TRAF3IP1: variants seen among roughly 807,000 people sequenced by gnomAD.
The protein encoded by TRAF3IP1 is intraflagellar transport 54, also known as TRAF3-interacting protein 1.
In TRAF3IP1, 53 loss-of-function variants were observed where a neutral mutation model predicts 89.9. The ratio of observed to expected loss-of-function variants is 0.59; its 90% CI spans 0.47 to 0.74. TRAF3IP1 has a LOEUF of 0.74. TRAF3IP1 is among the 30% of genes least tolerant of loss of function. The pLI is 0.00. For synonymous variants in TRAF3IP1, 311 were observed against 322.1 expected (o/e 0.97, Z 0.37); for missense variants, 806 against 866.1 (o/e 0.93, Z 0.87).
intron 14 of TRAF3IP1, among the ~76,000 whole-genome samples, chr2:238,354,671 C>T (rs1002588952): frequency 6.6e-6 from 1 of 151,816 alleles, no homozygotes; most frequent in African/African-American, 2.4e-5. Flanking sequence ...TTATTTTTGA[C>T]ATGGAGTCTC....
chr2:238,354,731 AC>A (rs1699330920), intron 14 of TRAF3IP1, among the ~76,000 whole-genome samples: 1 of 151,996 alleles, frequency 6.6e-6, no homozygotes. Flanking sequence ...GCTCACTGCA[AC>A]CTCTGCCTCC....
In TRAF3IP1 at chr2:238,373,273, A is replaced by G. The variant is rs1233114834; in HGVS notation, c.1689+17193A>G. Among the ~76,000 whole-genome samples the G allele has an allele frequency of 1.3e-5, 2 of 152,184 alleles. 1 individual carries two copies. The highest frequency in any genetic ancestry group is 2.9e-5 in the Non-Finnish European group (2 of 68,034). ...GGGTTTTTATGGTGTTAGGTCTAAC[A>G]TTTAAGTCTTTAATCCATCTTGAAT... On this transcript the variant is annotated intron_variant, in intron 15 of 16. Coordinates refer to ENST00000373327, the MANE Select transcript of TRAF3IP1 (RefSeq NM_015650.4).
chr2:238,377,238 T>TC (rs912833260), intron 15 of TRAF3IP1, among the ~76,000 whole-genome samples: 4 of 139,060 alleles, frequency 2.9e-5, no homozygotes, highest in Admixed American at 7.1e-5. Flanking sequence ...TTCTTTTTTT[T>TC]TTTTTTTTTT....
intron 13 of TRAF3IP1, 92 bp from the exon 14 acceptor site, chr2:238,353,081 T>TTTTGTTG (rs1377962240): frequency 1.1e-5 from 18 of 1,573,050 alleles, no homozygotes; most frequent in Admixed American, 1.8e-5. Context: ...CCTTCGTTAA[T>TTTTGTTG]TTTGTTGTTC....
chr2:238,353,492 C>G (rs1239917971), intron 14 of TRAF3IP1, among the ~76,000 whole-genome samples: 1 of 152,148 alleles, frequency 6.6e-6, no homozygotes. Context: ...CTCTTCCGTA[C>G]GATTAAATTG....
intron 15 of TRAF3IP1, among the ~76,000 whole-genome samples, chr2:238,394,135 G>A (rs1366200762): frequency 4.6e-5 from 7 of 152,258 alleles, no homozygotes. Flanking sequence ...GGCAGAGGTT[G>A]CAATGAGCCA....
At chr2:238,357,357 C>T (rs752182647) in intron 15 of TRAF3IP1, among the ~76,000 whole-genome samples, 1 of 152,048 alleles carries the variant, frequency 6.6e-6, no homozygotes, top group Admixed American at 6.5e-5. Context: ...CCTAATAACT[C>T]AACAATTTAA....
intron 15 of TRAF3IP1, among the ~76,000 whole-genome samples, chr2:238,360,460 C>G (rs1699609544): frequency 6.6e-6 from 1 of 152,052 alleles, no homozygotes; most frequent in Admixed American, 6.6e-5. Flanking sequence ...GACCCTGTCT[C>G]TACAAAAAAA....
At position 238,337,786 on chromosome 2, in the gene TRAF3IP1, G is replaced by T. The variant is rs116811804; in HGVS notation, c.1064-576G>T. 4.0e-3 allele frequency among the ~76,000 whole-genome samples: 611 copies of T among 152,310 alleles called. 3 individuals are homozygous for T. Among genetic ancestry groups the T allele is most frequent in the African/African-American group, 0.014 (593 of 41,552 alleles). On this transcript the variant is annotated intron_variant, in intron 7 of 16. Coordinates refer to ENST00000373327, the MANE Select transcript of TRAF3IP1 (RefSeq NM_015650.4). ...ACATAGACGGTTCTGGGAGACACTGGTTGGTGGAATGGGTGGCAGTGTTAG... is the reference window on the plus strand; with the variant it reads ...ACATAGACGGTTCTGGGAGACACTGTTTGGTGGAATGGGTGGCAGTGTTAG...
At chr2:238,346,332 T>C (rs1280259817) in intron 9 of TRAF3IP1, among the ~76,000 whole-genome samples, 2 of 152,142 alleles carry the variant, frequency 1.3e-5, no homozygotes, top group African/African-American at 4.8e-5. Context: ...TCCAGCCCCC[T>C]GCTAACCACT....
Position 238,365,389 on chromosome 2 carries a change from C to T in TRAF3IP1, c.1689+9309C>T, listed in dbSNP as rs1384816350. On this transcript the variant is annotated intron_variant, in intron 15 of 16. Coordinates refer to ENST00000373327, the MANE Select transcript of TRAF3IP1 (RefSeq NM_015650.4). ...TAAAGAAATAAAAATGGGCCAGGCG[C>T]GGTGGCCAACGTTTGTAATCCTAGC... Among the ~76,000 whole-genome samples, 6 of 152,086 alleles carry T rather than the reference C, an allele frequency of 3.9e-5. No individual in the cohort carries two copies. In the East Asian group the frequency reaches 7.7e-4, roughly 20 times the overall value.
At chr2:238,394,820 T>C (rs138866548) in intron 15 of TRAF3IP1, among the ~76,000 whole-genome samples, 1 of 152,384 alleles carries the variant, frequency 6.6e-6, no homozygotes, top group Non-Finnish European at 1.5e-5. Flanking sequence ...CATTAGTTCA[T>C]TTCACAAATT....
Position 238,374,039 on chromosome 2 carries a change from A to G in TRAF3IP1, c.1689+17959A>G, listed in dbSNP as rs137938376. On this transcript the variant is annotated intron_variant, in intron 15 of 16. Coordinates refer to ENST00000373327, the MANE Select transcript of TRAF3IP1 (RefSeq NM_015650.4). The stretch of plus-strand genomic sequence containing the variant: ...CTTAAGGATATTTTGGGCTGAGACA[A>G]TGGGGTTTTCTAAATATACCATCAT... Among the ~76,000 whole-genome samples the G allele has an allele frequency of 1.1e-3, 174 of 152,294 alleles. 2 individuals carry two copies. The highest frequency in any genetic ancestry group is 3.9e-3 in the African/African-American group (161 of 41,554).
At chr2:238,322,366 G>T (rs1296763564) in intron 1 of TRAF3IP1, among the ~76,000 whole-genome samples, 3 of 152,230 alleles carry the variant, frequency 2.0e-5, no homozygotes, top group African/African-American at 4.8e-5. Flanking sequence ...CTACCGCATA[G>T]TTGGTCAGAG....
chr2:238,393,168 A>G (rs1339895179), intron 15 of TRAF3IP1, among the ~76,000 whole-genome samples: 2 of 152,168 alleles, frequency 1.3e-5, no homozygotes, highest in Non-Finnish European at 2.9e-5. Context: ...CCTGTCAGCA[A>G]TGAGTGATCC....
intron 15 of TRAF3IP1, among the ~76,000 whole-genome samples, chr2:238,370,761 A>C (rs1240382306): frequency 6.6e-6 from 1 of 152,206 alleles, no homozygotes; most frequent in Non-Finnish European, 1.5e-5. Flanking sequence ...CATGTCATCA[A>C]CTGTTGAAGA....
intron 7 of TRAF3IP1, among the ~76,000 whole-genome samples, chr2:238,336,364 G>A (rs1466804943): frequency 1.3e-5 from 2 of 152,248 alleles, no homozygotes; most frequent in Middle Eastern, 3.4e-3. Flanking sequence ...CCTCCCTGTG[G>A]GTTCCCCAGC....
intron 15 of TRAF3IP1, among the ~76,000 whole-genome samples, chr2:238,388,783 A>C (rs1700881988): frequency 6.6e-6 from 1 of 151,700 alleles, no homozygotes; most frequent in South Asian, 2.1e-4. Flanking sequence ...CCAGGACCAC[A>C]AACATGCACC....
chr2:238,320,584 G>T lies in TRAF3IP1; in HGVS notation c.-79G>T. On this transcript the variant is annotated 5_prime_UTR_variant, in exon 1 of 17. Transcript: ENST00000373327. Reference sequence around the variant, plus strand: ...CCGGGCGGCGGCGGCGGCGGGGCCGGCGGCGGCCAGGGACCCGGGCTTAGG... The same window carrying T: ...CCGGGCGGCGGCGGCGGCGGGGCCGTCGGCGGCCAGGGACCCGGGCTTAGG... The T allele has an allele frequency of 2.8e-6, 3 of 1,084,534 alleles. No homozygotes were observed. The highest frequency in any genetic ancestry group is 3.4e-6 in the Non-Finnish European group (3 of 892,896). The allele number at this position is 1,084,534 out of a possible 1,614,324, so 67.2% of individuals were successfully genotyped here.
Sources: allele counts gnomAD v4.1 joint callset (sites outside exome capture counted in the v4.1 genomes callset), GRCh38; gene constraint gnomAD v4.1.1; transcripts MANE v1.5; gene names NCBI Gene and HGNC (gene_info 2026-07-23, HGNC 2026-07-21).